Variants in CSMD2 observed in about 807,000 individuals in gnomAD.
The protein encoded by CSMD2 is CUB and Sushi multiple domains 2, also known as CUB and sushi domain-containing protein 2.
Under a neutral mutation model 398.5 loss-of-function variants are expected in CSMD2, and 130 were observed. The observed-to-expected ratio is 0.33, with a 90% CI of 0.28 to 0.38. The LOEUF is 0.38. CSMD2 is among the 10% of genes least tolerant of loss of function. The pLI is 1.00. For missense variants in CSMD2, 3,829 were observed against 4,764.9 expected, an observed-to-expected ratio of 0.80 and a Z score of 5.78; for synonymous variants, 1,828 against 1,908.5, an observed-to-expected ratio of 0.96 and a Z score of 1.10.
chr1:33,520,042 G>T (rs990759838), intron 68 of CSMD2, 92 bp from the exon 69 acceptor site: 279 of 1,469,586 alleles, frequency 1.9e-4, no homozygotes, highest in Non-Finnish European at 2.5e-4. Context: ...TTGGGAAGCA[G>T]GGCTGCCACT....
At chr1:33,725,946 C>A (rs1442615225) in intron 16 of CSMD2, among the ~76,000 whole-genome samples, 1 of 151,584 alleles carries the variant, frequency 6.6e-6, no homozygotes, top group Non-Finnish European at 1.5e-5. Context: ...AAAGGCAAAG[C>A]AGAGCATGCA....
intron 40 of CSMD2, among the ~76,000 whole-genome samples, 193 bp downstream of exon 40, chr1:33,614,311 C>G (rs892220027): frequency 1.3e-5 from 2 of 152,114 alleles, no homozygotes; most frequent in Non-Finnish European, 2.9e-5. Context: ...TTTTCTCCCC[C>G]CTATATGTTA....
intron 3 of CSMD2, among the ~76,000 whole-genome samples, chr1:33,955,821 G>A (rs983476483): frequency 2.0e-5 from 3 of 152,216 alleles, no homozygotes; most frequent in Admixed American, 6.5e-5. Flanking sequence ...AAGTGCCGGC[G>A]TTCAGTCTAC....
rs552819507 is a variant in CSMD2, at chr1:33,758,132, C to T, written c.1846+14437G>A. On this transcript the variant is annotated intron_variant, in intron 13 of 70. Coordinates refer to ENST00000373381, the MANE Select transcript of CSMD2 (RefSeq NM_001281956.2). ...ATCTTTTTTATTTTTCCACTCTCCCCACCCTCCCCTATTGCACCCTACACT... is the reference window on the plus strand; with the variant it reads ...ATCTTTTTTATTTTTCCACTCTCCCTACCCTCCCCTATTGCACCCTACACT... 2.6e-5 allele frequency among the ~76,000 whole-genome samples: 4 copies of T among 152,306 alleles called. No homozygotes were observed. In the South Asian group the frequency reaches 8.3e-4, roughly 32 times the overall value.
chr1:34,028,254 T>G (rs1649941151), intron 3 of CSMD2, among the ~76,000 whole-genome samples: 1 of 152,100 alleles, frequency 6.6e-6, no homozygotes, highest in Non-Finnish European at 1.5e-5. Flanking sequence ...AGGTCGAGGC[T>G]GCAGTGAGCT....
chr1:33,802,139 A>T (rs141227575), intron 10 of CSMD2, among the ~76,000 whole-genome samples: 1 of 152,332 alleles, frequency 6.6e-6, no homozygotes, highest in African/African-American at 2.4e-5. Flanking sequence ...AAGGACTGAG[A>T]TAACCCAAAT....
chr1:33,609,433 C>T (rs571574957), intron 41 of CSMD2, among the ~76,000 whole-genome samples: 81 of 152,128 alleles, frequency 5.3e-4, no homozygotes, highest in Non-Finnish European at 1.0e-3. Flanking sequence ...ATATAGAAAA[C>T]GTGGTCAAAA....
intron 56 of CSMD2, among the ~76,000 whole-genome samples, chr1:33,547,815 C>G (rs781215403): frequency 1.3e-5 from 2 of 152,236 alleles, no homozygotes; most frequent in African/African-American, 2.4e-5. Context: ...AACCCACACA[C>G]TGGCTAGCTA....
chr1:33,757,687 A>T (rs1409433736), intron 13 of CSMD2, among the ~76,000 whole-genome samples: 1 of 152,192 alleles, frequency 6.6e-6, no homozygotes, highest in Non-Finnish European at 1.5e-5. Context: ...CATGTCCAAA[A>T]TTGAACTCTT....
At chr1:33,716,262 C>A in intron 20 of CSMD2, 24 bp downstream of exon 20, 1 of 1,591,914 alleles carries the variant, frequency 6.3e-7, no homozygotes, top group South Asian at 1.1e-5. Context: ...GTCTCTTCCC[C>A]TCAGGGACCC....
At chr1:33,891,001 A>G (rs1641972463) in intron 5 of CSMD2, among the ~76,000 whole-genome samples, 3 of 152,254 alleles carry the variant, frequency 2.0e-5, no homozygotes, top group Admixed American at 2.0e-4. Context: ...CAAAGACTTC[A>G]TGTCTAAAAC....
At chr1:33,549,233 TAGG>T (rs1264882516) in intron 56 of CSMD2, among the ~76,000 whole-genome samples, 1 of 152,174 alleles carries the variant, frequency 6.6e-6, no homozygotes, top group Non-Finnish European at 1.5e-5. Context: ...GCTTCTGTAT[TAGG>T]AGGAGGTCAT....
intron 67 of CSMD2, 61 bp from the exon 68 acceptor site, chr1:33,521,611 C>G: frequency 9.5e-7 from 1 of 1,050,740 alleles, no homozygotes; most frequent in Non-Finnish European, 1.5e-6. Context: ...TAGAACTCCT[C>G]TCTCATCATA....
intron 3 of CSMD2, among the ~76,000 whole-genome samples, chr1:34,022,396 G>A (rs1226463937): frequency 1.3e-5 from 2 of 152,344 alleles, no homozygotes; most frequent in Non-Finnish European, 2.9e-5. Flanking sequence ...CTATCTGGAC[G>A]AGTTGGGAGT....
At chr1:34,128,187 T>C (rs1662944991) in intron 1 of CSMD2, among the ~76,000 whole-genome samples, 1 of 152,012 alleles carries the variant, frequency 6.6e-6, no homozygotes, top group South Asian at 2.1e-4. Flanking sequence ...TTTGAGGGCT[T>C]CTCTCCAAGC....
chr1:33,642,763 G>T (rs1643186244), intron 29 of CSMD2, among the ~76,000 whole-genome samples: 1 of 152,124 alleles, frequency 6.6e-6, no homozygotes, highest in Admixed American at 6.5e-5. Context: ...TTTTGAGTGG[G>T]TTTCTGTTTC....
At chr1:33,587,565 C>G (rs890500846) in intron 44 of CSMD2, among the ~76,000 whole-genome samples, 1 of 152,186 alleles carries the variant, frequency 6.6e-6, no homozygotes, top group African/African-American at 2.4e-5. Flanking sequence ...GTAAGTTCCT[C>G]AAGGTCACAC....
At chr1:33,915,290 T>G (rs1643666629) in intron 5 of CSMD2, among the ~76,000 whole-genome samples, 1 of 152,158 alleles carries the variant, frequency 6.6e-6, no homozygotes, top group Admixed American at 6.5e-5. Context: ...CAGCATCAAA[T>G]TTTTACAGGA....
chr1:33,562,295 C>A (rs1384439827), intron 53 of CSMD2, among the ~76,000 whole-genome samples: 1 of 152,232 alleles, frequency 6.6e-6, no homozygotes, highest in Non-Finnish European at 1.5e-5. Flanking sequence ...GAAGAAGCTG[C>A]TGCGACCAGG....
Sources: gnomAD v4.1 joint callset for allele counts (sites outside exome capture counted in the v4.1 genomes callset) on GRCh38, gnomAD v4.1.1 for gene constraint, MANE v1.5 for transcripts, NCBI Gene and HGNC (gene_info 2026-07-23, HGNC 2026-07-21) for gene names.